LPL: variants seen among roughly 807,000 people sequenced by gnomAD.
The protein encoded by LPL is phospholipase A1.
In LPL, 43 loss-of-function variants were observed where a neutral mutation model predicts 52.2. The observed-to-expected ratio is 0.82, with a 90% CI of 0.64 to 1.06. The LOEUF (loss-of-function observed/expected upper bound fraction) is 1.06. Ranked by LOEUF, LPL falls within the 50% of genes least tolerant of loss-of-function variation. LPL has a pLI of 0.00. For synonymous variants in LPL, 244 were observed against 215.6 expected, an observed-to-expected ratio of 1.13 and a Z score of -1.15; for missense variants, 639 against 585.3, an observed-to-expected ratio of 1.09 and a Z score of -0.95.
In LPL at chr8:19,944,660, C is replaced by T. The variant is rs536607005; in HGVS notation, c.89-3520C>T. On this transcript the variant is annotated intron_variant, in intron 1 of 9. Transcript: ENST00000650287. This position sits in a 1 kb window ranked among gnomAD's most constrained non-coding sequence, Gnocchi z 4.2. ...TCTAGCAACAAGAATTACCACTCTT[C>T]CCCTCTATACATTTATCTTTCTCTA... Among the ~76,000 whole-genome samples, 24 of 152,324 alleles carry T rather than the reference C, an allele frequency of 1.6e-4. No homozygotes were observed. Among genetic ancestry groups the T allele is most frequent in the African/African-American group, 5.5e-4 (23 of 41,568 alleles).
chr8:19,949,893 G>C (rs537948790), intron 2 of LPL, among the ~76,000 whole-genome samples: 1 of 152,330 alleles, frequency 6.6e-6, no homozygotes, highest in South Asian at 2.1e-4. Context: ...AATAAATTGA[G>C]TATCTCAGTC....
chr8:19,964,248 G>A lies in LPL; in HGVS notation c.*-1062G>A, dbSNP rs571715188. Among the ~76,000 whole-genome samples, 29 of 151,938 alleles carry A rather than the reference G, an allele frequency of 1.9e-4. 1 individual carries two copies. The South Asian group carries it at 3.6e-3, about 19-fold the overall frequency. On this transcript the variant is annotated intron_variant, in intron 9 of 9. Coordinates refer to ENST00000650287, the MANE Select transcript of LPL (RefSeq NM_000237.3). Reference sequence around the variant, plus strand: ...ATTATAGGTGTGAGTCACCACACCCGGCCCTAGATGCAGTTTTATACATGC... The same window carrying A: ...ATTATAGGTGTGAGTCACCACACCCAGCCCTAGATGCAGTTTTATACATGC...
intron 2 of LPL, 153 bp from the exon 3 acceptor site, chr8:19,951,616 T>C: frequency 1.1e-6 from 1 of 874,662 alleles, no homozygotes; most frequent in South Asian, 1.4e-5. Context: ...CAGACCTGTC[T>C]CTGAACACTG....
At chr8:19,940,084 C>A (rs1355683510) in intron 1 of LPL, among the ~76,000 whole-genome samples, 1 of 152,196 alleles carries the variant, frequency 6.6e-6, no homozygotes, top group Non-Finnish European at 1.5e-5. Context: ...TCGCCCTCGG[C>A]GGGGCCCCTC....
intron 9 of LPL, among the ~76,000 whole-genome samples, chr8:19,964,823 C>A (rs1202283412): frequency 6.6e-6 from 1 of 152,176 alleles, no homozygotes; most frequent in Non-Finnish European, 1.5e-5. Flanking sequence ...AGCCACAGCA[C>A]CCAGCCAGAT....
intron 4 of LPL, 28 bp from the exon 5 acceptor site, chr8:19,954,092 C>A: frequency 6.6e-7 from 1 of 1,515,146 alleles, no homozygotes; most frequent in Non-Finnish European, 9.2e-7. Context: ...ATTTACAAAT[C>A]TGTGTTCCTG....
intron 6 of LPL, among the ~76,000 whole-genome samples, chr8:19,957,471 G>C (rs546642106): frequency 6.6e-6 from 1 of 152,148 alleles, no homozygotes; most frequent in Non-Finnish European, 1.5e-5. Flanking sequence ...CAGGCAATGC[G>C]TATGAGGTAA....
chr8:19,946,648 C>T (rs1015143398), intron 1 of LPL: 11 of 184,144 alleles, frequency 6.0e-5, no homozygotes, highest in Admixed American at 3.1e-4. Context: ...CCTGAAATTT[C>T]GAACGGCAAA....
rs1278223299 is a variant in LPL at position 19,959,391 on chromosome 8, CA to C, written c.1139+12del. ...CATCCCATTCACTCTGTGAGTAGCA[CA>C]GGGGGGCGGTCATCATGGCACCAGT... On this transcript the variant is annotated intron_variant, in intron 7 of 9. Transcript: ENST00000650287. 2 of 1,613,770 alleles carry C rather than the reference CA, an allele frequency of 1.2e-6. No individual in the cohort carries two copies. The highest frequency in any genetic ancestry group is 1.3e-5 in the African/African-American group (1 of 74,902).
At chr8:19,949,900 A>G (rs112615099) in intron 2 of LPL, among the ~76,000 whole-genome samples, 2 of 152,252 alleles carry the variant, frequency 1.3e-5, no homozygotes, top group African/African-American at 4.8e-5. Flanking sequence ...TGAGTATCTC[A>G]GTCATCTCAA....
intron 9 of LPL, 47 bp downstream of exon 9, chr8:19,962,266 C>A: frequency 2.1e-6 from 3 of 1,433,568 alleles, no homozygotes; most frequent in Non-Finnish European, 3.0e-6. Context: ...AGCTTGCACC[C>A]TAAGGGAGGC....
At chr8:19,955,509 A>G (rs1173077461) in intron 5 of LPL, among the ~76,000 whole-genome samples, 1 of 152,210 alleles carries the variant, frequency 6.6e-6, no homozygotes. Flanking sequence ...GAAGTGTTAG[A>G]CACTTTCAAT....
Position 19,939,560 on chromosome 8 carries a change from G to C in LPL, c.88+32G>C. On this transcript the variant is annotated intron_variant, in intron 1 of 9. Transcript: ENST00000650287. This position sits in a 1 kb window ranked among gnomAD's most constrained non-coding sequence, Gnocchi z 4.0. The stretch of plus-strand genomic sequence containing the variant: ...TTTGCGCGCAAACTCCCCTCCACCT[G>C]CAGACCCGGCGGGTGGCCACTGCCA... 6.3e-7 allele frequency: 1 copy of C among 1,586,214 alleles called. No individual in the cohort carries two copies. Among genetic ancestry groups the C allele is most frequent in the Non-Finnish European group, 8.6e-7 (1 of 1,167,756 alleles).
chr8:19,964,102 G>A (rs1001093111), intron 9 of LPL, among the ~76,000 whole-genome samples: 5 of 151,862 alleles, frequency 3.3e-5, no homozygotes, highest in Admixed American at 6.6e-5. Flanking sequence ...ACACGTGTCC[G>A]CCACCACACC....
intron 5 of LPL, 147 bp from the exon 6 acceptor site, chr8:19,955,694 A>T: frequency 9.5e-7 from 1 of 1,047,934 alleles, no homozygotes; most frequent in Non-Finnish European, 1.5e-6. Flanking sequence ...ATCTCCTGAA[A>T]TAGGGCCTAC....
chr8:19,958,466 C>T (rs928667906), intron 6 of LPL, among the ~76,000 whole-genome samples: 1 of 152,182 alleles, frequency 6.6e-6, no homozygotes, highest in Non-Finnish European at 1.5e-5. Context: ...GTTCAACTAC[C>T]TGCTTCCAGA....
chr8:19,948,658 A>G (rs1483613343), intron 2 of LPL, among the ~76,000 whole-genome samples: 1 of 152,102 alleles, frequency 6.6e-6, no homozygotes, highest in African/African-American at 2.4e-5. Flanking sequence ...GAACCGGTGG[A>G]ACCCTGGCAT....
At chr8:19,953,533 G>A in intron 4 of LPL, 112 bp downstream of exon 4, 1 of 746,426 alleles carries the variant, frequency 1.3e-6, no homozygotes, top group Non-Finnish European at 2.4e-6. Flanking sequence ...TCTTCCCGGA[G>A]ACATGACCAG....
chr8:19,952,943 TA>T (rs1045139178), intron 3 of LPL, among the ~76,000 whole-genome samples: 6 of 152,138 alleles, frequency 3.9e-5, no homozygotes, highest in African/African-American at 1.4e-4. Context: ...TGTATATGTG[TA>T]TATGTTTGTA....
Sources: gnomAD v4.1 joint callset for allele counts (sites outside exome capture counted in the v4.1 genomes callset) on GRCh38, gnomAD v4.1.1 for gene constraint, Gnocchi (gnomAD v3.1) non-coding constraint, MANE v1.5 for transcripts, NCBI Gene and HGNC (gene_info 2026-07-23, HGNC 2026-07-21) for gene names.